Variants in UBR3 observed in about 807,000 individuals in gnomAD.
UBR3 encodes the protein E3 ubiquitin-protein ligase UBR3.
A neutral mutation model predicts 243.2 loss-of-function variants in UBR3; 85 were observed. The observed-to-expected ratio is 0.35, with a 90% CI of 0.29 to 0.42. The LOEUF (loss-of-function observed/expected upper bound fraction) is 0.42. Among genes scored for constraint, UBR3 ranks in the 10% least tolerant of loss-of-function variants. UBR3 has a pLI of 1.00. For missense variants in UBR3, 1,686 were observed against 2,300.8 expected (o/e 0.73, Z 5.47); for synonymous variants, 748 against 799.8 (o/e 0.94, Z 1.09).
At chr2:170,011,727 A>G (rs1444802650) in intron 29 of UBR3, among the ~76,000 whole-genome samples, 3 of 151,806 alleles carry the variant, frequency 2.0e-5, no homozygotes, top group African/African-American at 7.2e-5. Flanking sequence ...CAGAGAAGAA[A>G]CTGTTGGAAA....
At chr2:169,896,867 T>G in intron 8 of UBR3, 132 bp downstream of exon 8, 1 of 617,436 alleles carries the variant, frequency 1.6e-6, no homozygotes, top group East Asian at 3.3e-5. Context: ...CTAGTATTAG[T>G]GAACTTTGTA....
At chr2:170,073,306 C>T in intron 35 of UBR3, 122 bp from the exon 36 acceptor site, 1 of 1,095,924 alleles carries the variant, frequency 9.1e-7, no homozygotes, top group Non-Finnish European at 1.3e-6. Context: ...CACTTTTTTT[C>T]AGTTGACTCA....
chr2:169,881,293 C>T (rs1017552912), intron 5 of UBR3, among the ~76,000 whole-genome samples: 1 of 151,736 alleles, frequency 6.6e-6, no homozygotes, highest in African/African-American at 2.4e-5. Context: ...GATTCTCCTG[C>T]CTCAGCCTGC....
intron 24 of UBR3, among the ~76,000 whole-genome samples, chr2:169,972,351 A>C (rs2088199843): frequency 6.6e-6 from 1 of 152,150 alleles, no homozygotes; most frequent in Non-Finnish European, 1.5e-5. Flanking sequence ...AGGAACTGGT[A>C]CCATTCCTTC....
chr2:169,904,227 T>C (rs1046965311), intron 8 of UBR3, among the ~76,000 whole-genome samples: 3 of 152,226 alleles, frequency 2.0e-5, no homozygotes, highest in African/African-American at 7.2e-5. Context: ...CATTAGTTCA[T>C]ATACTTTTGA....
Position 170,008,917 on chromosome 2 carries a change from T to G in UBR3, c.4344T>G (p.Phe1448Leu), listed in dbSNP as rs1559182519. 4 of 1,595,886 alleles carry G rather than the reference T, an allele frequency of 2.5e-6. No individual in the cohort carries two copies. The highest frequency in any genetic ancestry group is 3.4e-6 in the Non-Finnish European group (4 of 1,173,332). The change falls in exon 29 of 39, where the codon TTT becomes TTG. Residue 1448 changes from phenylalanine to leucine, a missense_variant. Phe to Leu is a conservative substitution (Grantham distance 22). Coordinates refer to ENST00000272793, the MANE Select transcript of UBR3 (RefSeq NM_172070.4). Reference protein sequence around the residue: ...SKTPGSPDNDFLFMYSVARTN... With the variant: ...SKTPGSPDNDLLFMYSVARTN... ...CCCCGGGCTCACCAGACAATGATTT[T>G]CTCTTTATGTACTCTGTTGCTAGGT...
chr2:169,961,683 A>T (rs1366776643), intron 24 of UBR3, among the ~76,000 whole-genome samples: 1 of 152,132 alleles, frequency 6.6e-6, no homozygotes, highest in Non-Finnish European at 1.5e-5. Context: ...GTCTGGTGGT[A>T]ATCTAATTCT....
intron 28 of UBR3, among the ~76,000 whole-genome samples, chr2:170,008,187 A>G (rs372873514): frequency 4.5e-4 from 68 of 152,236 alleles, no homozygotes; most frequent in African/African-American, 1.6e-3. Context: ...ATAAAAAAAA[A>G]TTTCACCTTC....
chr2:169,841,213 C>T (rs2082276726), intron 1 of UBR3, among the ~76,000 whole-genome samples: 1 of 152,114 alleles, frequency 6.6e-6, no homozygotes, highest in African/African-American at 2.4e-5. Context: ...TCATCTTCAC[C>T]TCATTGTCTC....
At chr2:169,941,491 TTGACCATGG>T (rs2086585202) in intron 19 of UBR3, among the ~76,000 whole-genome samples, 1 of 152,218 alleles carries the variant, frequency 6.6e-6, no homozygotes, top group South Asian at 2.1e-4. Flanking sequence ...CTGACCATGG[TTGACCATGG>T]GTAACTGAAA....
intron 10 of UBR3, among the ~76,000 whole-genome samples, chr2:169,908,602 G>A (rs16857266): frequency 4.5e-4 from 68 of 152,178 alleles, no homozygotes; most frequent in African/African-American, 1.6e-3. Context: ...TAAACACATC[G>A]ATTTACTTCA....
intron 36 of UBR3, chr2:170,077,414 G>C: frequency 6.9e-7 from 1 of 1,439,356 alleles, no homozygotes; most frequent in Non-Finnish European, 9.4e-7. Context: ...TTTACACCAA[G>C]TATTGTTAGG....
intron 1 of UBR3, among the ~76,000 whole-genome samples, chr2:169,860,910 A>C (rs10180026): frequency 0.77 from 117,355 of 152,098 alleles, 46,380 homozygotes; most frequent in East Asian, 0.89. Context: ...ACACTGCAGC[A>C]CTCAGTCTGT....
chr2:169,862,365 GA>G (rs2083123210), intron 1 of UBR3, among the ~76,000 whole-genome samples: 1 of 152,082 alleles, frequency 6.6e-6, no homozygotes, highest in South Asian at 2.1e-4. Flanking sequence ...TAGCGATGTA[GA>G]AATGTATATT....
chr2:169,848,706 T>C (rs2082564358), intron 1 of UBR3, among the ~76,000 whole-genome samples: 1 of 114,230 alleles, frequency 8.8e-6, no homozygotes. Context: ...TCAAGTTTTT[T>C]AATTTTTTTT....
intron 21 of UBR3, among the ~76,000 whole-genome samples, chr2:169,947,128 A>G (rs2086816331): frequency 6.6e-6 from 1 of 152,094 alleles, no homozygotes; most frequent in Non-Finnish European, 1.5e-5. Context: ...ATGTTCTTTC[A>G]TAGATTTTAA....
intron 28 of UBR3, 106 bp downstream of exon 28, chr2:170,007,296 A>T: frequency 8.1e-7 from 1 of 1,240,482 alleles, no homozygotes. Context: ...CATATTTAGT[A>T]GAAATTGCTT....
At chr2:169,975,052 T>C (rs1272534817) in intron 24 of UBR3, among the ~76,000 whole-genome samples, 5 of 152,022 alleles carry the variant, frequency 3.3e-5, no homozygotes, top group Non-Finnish European at 7.4e-5. Flanking sequence ...ATGCCTGTAG[T>C]ACAGCTACTT....
At chr2:169,967,059 T>G (rs1220907199) in intron 24 of UBR3, among the ~76,000 whole-genome samples, 1 of 152,214 alleles carries the variant, frequency 6.6e-6, no homozygotes, top group Admixed American at 6.5e-5. Flanking sequence ...GCATTTTGTC[T>G]TGACACATCC....
Sources: gnomAD v4.1 joint callset for allele counts (sites outside exome capture counted in the v4.1 genomes callset) on GRCh38, gnomAD v4.1.1 for gene constraint, MANE v1.5 for transcripts, NCBI Gene and HGNC (gene_info 2026-07-23, HGNC 2026-07-21) for gene names.